The following QTMAN variants were observed in gnomAD, a reference collection of about 807,000 sequenced individuals.
QTMAN encodes the protein queuosine-tRNA mannosyltransferase.
At chr2:144,101,868 T>C in the QTMAN span, among the ~76,000 whole-genome samples, 9 of 152,322 alleles carry the variant, frequency 5.9e-5, no homozygotes, top group Middle Eastern at 0.01. Context: ...TCATCTTTTG[T>C]TCTGTGTCAT....
At chr2:143,957,150 G>T in the QTMAN span, 2 of 1,476,760 alleles carry the variant, frequency 1.4e-6, no homozygotes, top group South Asian at 1.4e-5. Context: ...TAGTAAAACT[G>T]ATTAGAGATT....
chr2:144,330,847 T>C, the QTMAN span, among the ~76,000 whole-genome samples: 1 of 152,242 alleles, frequency 6.6e-6, no homozygotes, highest in Admixed American at 6.5e-5. Context: ...CGATTCTTAA[T>C]TTCTCTATAA....
chr2:144,205,597 G>A, the QTMAN span, among the ~76,000 whole-genome samples: 14 of 152,272 alleles, frequency 9.2e-5, 1 homozygote, highest in South Asian at 8.3e-4. Flanking sequence ...AAGAAGGGCC[G>A]TTAAGTGGGC....
chr2:144,023,956 G>A, the QTMAN span, among the ~76,000 whole-genome samples: 1 of 152,218 alleles, frequency 6.6e-6, no homozygotes, highest in Admixed American at 6.5e-5. Context: ...GTCAATACAT[G>A]CTGTACTTTA....
At chr2:144,324,593 A>G in the QTMAN span, among the ~76,000 whole-genome samples, 2 of 152,202 alleles carry the variant, frequency 1.3e-5, no homozygotes. Context: ...TTACCTGCAT[A>G]TATTTAAGAA....
At chr2:144,004,858 G>A in the QTMAN span, among the ~76,000 whole-genome samples, 2 of 151,964 alleles carry the variant, frequency 1.3e-5, no homozygotes, top group Non-Finnish European at 2.9e-5. Flanking sequence ...ATCCTTGACT[G>A]CCTCGGAATT....
chr2:144,078,348 G>A, the QTMAN span, among the ~76,000 whole-genome samples: 1 of 152,208 alleles, frequency 6.6e-6, no homozygotes, highest in African/African-American at 2.4e-5. Flanking sequence ...GATGAAATGT[G>A]TGCCAACTGT....
At chr2:144,182,886 T>A in the QTMAN span, among the ~76,000 whole-genome samples, 92 of 77,106 alleles carry the variant, frequency 1.2e-3, no homozygotes, top group East Asian at 2.9e-3. Flanking sequence ...TATATATATT[T>A]TATATATATA....
the QTMAN span, among the ~76,000 whole-genome samples, chr2:144,084,146 C>T: frequency 2.0e-5 from 3 of 152,164 alleles, no homozygotes; most frequent in Admixed American, 1.3e-4. Context: ...CAACTTATGC[C>T]ATGTGCCACG....
At chr2:144,172,423 C>T in the QTMAN span, among the ~76,000 whole-genome samples, 1 of 151,944 alleles carries the variant, frequency 6.6e-6, no homozygotes, top group Non-Finnish European at 1.5e-5. Context: ...GAGTTTGAGA[C>T]CAGCCTGGCC....
the QTMAN span, among the ~76,000 whole-genome samples, chr2:144,098,024 A>T: frequency 6.6e-6 from 1 of 152,202 alleles, no homozygotes; most frequent in Non-Finnish European, 1.5e-5. Flanking sequence ...TCTGACAAGA[A>T]GCTGCAGCAC....
the QTMAN span, among the ~76,000 whole-genome samples, chr2:144,059,855 A>G: frequency 7.9e-5 from 12 of 152,140 alleles, no homozygotes; most frequent in Non-Finnish European, 1.5e-4. Flanking sequence ...GTGTTAGCCA[A>G]AATTTCATCT....
the QTMAN span, chr2:143,943,157 CA>C: frequency 6.6e-6 from 1 of 152,238 alleles, no homozygotes; most frequent in South Asian, 2.1e-4. Context: ...GTACTTTAAT[CA>C]CACATGTCTG....
the QTMAN span, among the ~76,000 whole-genome samples, chr2:144,179,340 T>A: frequency 9.9e-5 from 15 of 152,184 alleles, no homozygotes; most frequent in African/African-American, 3.1e-4. Flanking sequence ...TTTCCACATG[T>A]TAATTGAAAA....
chr2:144,239,181 GA>G, the QTMAN span, among the ~76,000 whole-genome samples: 1,014 of 139,538 alleles, frequency 7.3e-3, 12 homozygotes, highest in African/African-American at 0.026. Flanking sequence ...AGAAAAAAAA[GA>G]AAAAAAAAAG....
chr2:144,000,961 C>A, the QTMAN span, among the ~76,000 whole-genome samples: 24 of 151,964 alleles, frequency 1.6e-4, no homozygotes, highest in African/African-American at 5.8e-4. Context: ...TCACCCCACA[C>A]CATCCTCTGT....
the QTMAN span, among the ~76,000 whole-genome samples, chr2:144,076,693 G>C: frequency 6.6e-6 from 1 of 151,990 alleles, no homozygotes; most frequent in Admixed American, 6.6e-5. Flanking sequence ...CCAATTCTTA[G>C]AAAAAGAGAA....
At chr2:144,299,399 G>A in the QTMAN span, among the ~76,000 whole-genome samples, 2 of 152,116 alleles carry the variant, frequency 1.3e-5, no homozygotes. Flanking sequence ...AGAAGCATGT[G>A]TTGAATACTG....
At chr2:144,026,206 G>A in the QTMAN span, among the ~76,000 whole-genome samples, 1 of 152,128 alleles carries the variant, frequency 6.6e-6, no homozygotes, top group Admixed American at 6.5e-5. Context: ...GGCCGAGGCA[G>A]GTGAATCACC....
Sources: gnomAD v4.1 joint callset for allele counts (sites outside exome capture counted in the v4.1 genomes callset) on GRCh38, gnomAD v4.1.1 for gene constraint, MANE v1.5 for transcripts, NCBI Gene and HGNC (gene_info 2026-07-23, HGNC 2026-07-21) for gene names.